The following AGBL1 variants were observed in gnomAD, a reference collection of about 807,000 sequenced individuals.
AGBL1 encodes the protein AGBL carboxypeptidase 1.
Under a neutral mutation model 118.9 loss-of-function variants are expected in AGBL1, and 130 were observed. The observed-to-expected ratio is 1.09, with a 90% CI of 0.95 to 1.26. The LOEUF (loss-of-function observed/expected upper bound fraction) is 1.26. AGBL1 is among the 50% of genes most tolerant of loss of function. The pLI is 0.00. For missense variants in AGBL1, 1,584 were observed against 1,298.1 expected (o/e 1.22, Z -3.38); for synonymous variants, 555 against 478.9 (o/e 1.16, Z -2.08).
At chr15:86,509,936 G>A (rs2083032639) in intron 18 of AGBL1, among the ~76,000 whole-genome samples, 1 of 142,222 alleles carries the variant, frequency 7.0e-6, no homozygotes, top group Non-Finnish European at 1.5e-5. Flanking sequence ...TCAAAACAAG[G>A]CTGAAGCTCA....
chr15:86,987,938 A>G (rs1393945081), intron 23 of AGBL1: 1 of 1,583,356 alleles, frequency 6.3e-7, no homozygotes, highest in Non-Finnish European at 8.6e-7. Flanking sequence ...ATGTGACACT[A>G]TGGTTTATTT....
intron 22 of AGBL1, among the ~76,000 whole-genome samples, chr15:86,688,295 G>A (rs2142591659): frequency 1.3e-5 from 2 of 152,092 alleles, no homozygotes; most frequent in Middle Eastern, 6.8e-3. Flanking sequence ...GACAAGGGAG[G>A]AGAAAGAAGG....
chr15:86,618,730 A>G (rs2084764536), intron 21 of AGBL1, among the ~76,000 whole-genome samples: 1 of 152,210 alleles, frequency 6.6e-6, no homozygotes, highest in African/African-American at 2.4e-5. Context: ...ACTGCACCAG[A>G]AAATGGGAAA....
intron 5 of AGBL1, among the ~76,000 whole-genome samples, chr15:86,198,482 T>C (rs905898103): frequency 6.6e-6 from 1 of 152,052 alleles, no homozygotes; most frequent in Non-Finnish European, 1.5e-5. Flanking sequence ...TTTCAAGGGG[T>C]CAGAGGCAGA....
chr15:87,027,094 T>G (rs936130420), intron 24 of AGBL1, among the ~76,000 whole-genome samples: 4 of 151,888 alleles, frequency 2.6e-5, no homozygotes, highest in Non-Finnish European at 5.9e-5. Flanking sequence ...AAGAACTTAC[T>G]CATGTCACCA....
chr15:87,002,203 C>T (rs2081447357), intron 24 of AGBL1, among the ~76,000 whole-genome samples: 1 of 152,048 alleles, frequency 6.6e-6, no homozygotes, highest in Non-Finnish European at 1.5e-5. Context: ...AGATGGCTAG[C>T]CAGTTTTCCC....
chr15:86,589,642 C>A (rs1476913323), intron 21 of AGBL1, among the ~76,000 whole-genome samples: 1 of 152,158 alleles, frequency 6.6e-6, no homozygotes, highest in African/African-American at 2.4e-5. Context: ...TGATGATCAC[C>A]AGTTGATCTT....
At chr15:86,241,691 C>A (rs1432019592) in intron 6 of AGBL1, among the ~76,000 whole-genome samples, 2 of 152,200 alleles carry the variant, frequency 1.3e-5, no homozygotes, top group Non-Finnish European at 2.9e-5. Flanking sequence ...GAAGAGCCTT[C>A]CTGGCCTAAT....
At chr15:86,285,289 G>T (rs1325527855) in intron 16 of AGBL1, among the ~76,000 whole-genome samples, 2 of 152,064 alleles carry the variant, frequency 1.3e-5, no homozygotes, top group African/African-American at 4.8e-5. Context: ...TTTCATTGAG[G>T]GGTGCAGGGA....
chr15:86,597,016 TAGAC>T (rs2084418387), intron 21 of AGBL1, among the ~76,000 whole-genome samples: 1 of 152,202 alleles, frequency 6.6e-6, no homozygotes, highest in Non-Finnish European at 1.5e-5. Context: ...TGGAATAAAT[TAGAC>T]AGGTTGTTCT....
At chr15:86,740,585 G>C (rs890225792) in intron 22 of AGBL1, among the ~76,000 whole-genome samples, 1 of 152,188 alleles carries the variant, frequency 6.6e-6, no homozygotes, top group Non-Finnish European at 1.5e-5. Context: ...CAGTCAGTGT[G>C]AAGTTGAGTG....
intron 5 of AGBL1, among the ~76,000 whole-genome samples, chr15:86,162,917 G>C (rs1489212766): frequency 3.3e-5 from 5 of 152,186 alleles, no homozygotes; most frequent in Non-Finnish European, 1.5e-5. Flanking sequence ...GATGCCACCT[G>C]CTCCATTTCA....
chr15:86,156,786 T>TTTC (rs914042482), intron 4 of AGBL1, among the ~76,000 whole-genome samples: 1 of 22,396 alleles, frequency 4.5e-5, no homozygotes, highest in African/African-American at 1.4e-3. Context: ...TTCTTTTTTC[T>TTTC]TTTCTTTCTT....
At chr15:86,926,920 C>A (rs2080546955) in intron 23 of AGBL1, among the ~76,000 whole-genome samples, 1 of 152,036 alleles carries the variant, frequency 6.6e-6, no homozygotes, top group Non-Finnish European at 1.5e-5. Context: ...GCGGGTGGAT[C>A]CCATGGTCAG....
chr15:86,657,667 A>C (rs962574591), intron 21 of AGBL1, among the ~76,000 whole-genome samples: 1 of 152,176 alleles, frequency 6.6e-6, no homozygotes, highest in Non-Finnish European at 1.5e-5. Context: ...TGTGTCCTCT[A>C]TGGATAATCA....
chr15:86,659,275 C>A (rs977473237), intron 21 of AGBL1, among the ~76,000 whole-genome samples: 5 of 152,108 alleles, frequency 3.3e-5, no homozygotes, highest in Non-Finnish European at 5.9e-5. Flanking sequence ...TGTTACTTTG[C>A]TTATTAGTGG....
chr15:86,625,343 C>T (rs530171201), intron 21 of AGBL1, among the ~76,000 whole-genome samples: 2 of 140,352 alleles, frequency 1.4e-5, no homozygotes, highest in Non-Finnish European at 3.1e-5. Flanking sequence ...CTCTGACAGC[C>T]TCCAAGGTAG....
intron 22 of AGBL1, among the ~76,000 whole-genome samples, chr15:86,824,191 C>A (rs1000545037): frequency 6.6e-6 from 1 of 152,048 alleles, no homozygotes; most frequent in African/African-American, 2.4e-5. Context: ...GGAATCTATC[C>A]TACCCAATAC....
intron 18 of AGBL1, among the ~76,000 whole-genome samples, chr15:86,437,587 T>TCACAAGCCCAG (rs1289609029): frequency 6.6e-6 from 1 of 152,172 alleles, no homozygotes; most frequent in Admixed American, 6.5e-5. Flanking sequence ...ACCTAGTCTG[T>TCACAAGCCCAG]CACAAGCCCA....
Sources: gnomAD v4.1 joint callset for allele counts (sites outside exome capture counted in the v4.1 genomes callset) on GRCh38, gnomAD v4.1.1 for gene constraint, MANE v1.5 for transcripts, NCBI Gene and HGNC (gene_info 2026-07-23, HGNC 2026-07-21) for gene names.